Variants in EGLN1 observed in about 807,000 individuals in gnomAD.
EGLN1 encodes egl-9 family hypoxia inducible factor 1, also known as egl nine homolog 1.
Under a neutral mutation model 38.3 loss-of-function variants are expected in EGLN1, and 17 were observed. The observed-to-expected ratio is 0.44, with a 90% CI of 0.30 to 0.67. The LOEUF is 0.67. Among genes scored for constraint, EGLN1 ranks in the 30% least tolerant of loss-of-function variants. The pLI, the probability that EGLN1 is intolerant of heterozygous loss-of-function variation, is 0.08. For missense variants in EGLN1, 477 were observed against 603.3 expected (o/e 0.79, Z 2.19); for synonymous variants, 283 against 257.5 (o/e 1.10, Z -0.95).
At chr1:231,406,634 T>C (rs1688803426) in intron 1 of EGLN1, among the ~76,000 whole-genome samples, 1 of 152,084 alleles carries the variant, frequency 6.6e-6, no homozygotes, top group Non-Finnish European at 1.5e-5. Context: ...TATTCTACCA[T>C]AACGTGATAT....
At chr1:231,393,244 T>A (rs1374966301) in intron 1 of EGLN1, among the ~76,000 whole-genome samples, 2 of 152,192 alleles carry the variant, frequency 1.3e-5, no homozygotes, top group East Asian at 3.9e-4. Flanking sequence ...GACCCATAGG[T>A]AAGGACCAAT....
rs1461920208 is a variant in EGLN1, at chr1:231,421,191, C to G, written c.698G>C (p.Gly233Ala). Residue 233 changes from glycine to alanine, a missense_variant, in exon 1 of 5, where the codon GGG (glycine) becomes GCG (alanine). By Grantham distance (60) the Gly-to-Ala change is moderately conservative (BLOSUM62 0). Transcript: ENST00000366641. The surrounding 1 kb of genome is among the most constrained non-coding windows in gnomAD (Gnocchi z 5.5). ...GACCAGCTGCCCGTCCGTGAACTTC[C>G]CGGTGTCGTGCAGGGCGCGCACCTC... ...GDEVRALHDT[G>A]KFTDGQLVSQ... The G allele has an allele frequency of 1.2e-6, 2 of 1,614,052 alleles. No homozygotes were observed. The highest frequency in any genetic ancestry group is 1.7e-6 in the Non-Finnish European group (2 of 1,180,046).
chr1:231,397,264 C>G (rs929452228), intron 1 of EGLN1, among the ~76,000 whole-genome samples: 4 of 152,184 alleles, frequency 2.6e-5, no homozygotes, highest in Non-Finnish European at 4.4e-5. Context: ...ATTTTATATT[C>G]TATTCCTTGG....
At chr1:231,400,147 T>TA (rs1018745325) in intron 1 of EGLN1, among the ~76,000 whole-genome samples, 6 of 152,300 alleles carry the variant, frequency 3.9e-5, no homozygotes, top group Middle Eastern at 6.8e-3. Context: ...TAAGACTTAA[T>TA]AAATGTCCTT....
intron 1 of EGLN1, among the ~76,000 whole-genome samples, chr1:231,375,764 C>A (rs532041016): frequency 6.6e-6 from 1 of 152,088 alleles, no homozygotes; most frequent in Non-Finnish European, 1.5e-5. Context: ...CACTAGCTAC[C>A]CAGGAAAGAA....
intron 1 of EGLN1, among the ~76,000 whole-genome samples, chr1:231,408,099 C>T (rs1264840483): frequency 6.6e-6 from 1 of 152,080 alleles, no homozygotes; most frequent in African/African-American, 2.4e-5. Context: ...CTTCCCCTGC[C>T]CTTACAGATT....
At chr1:231,384,890 C>T (rs896535335) in intron 1 of EGLN1, among the ~76,000 whole-genome samples, 1 of 152,220 alleles carries the variant, frequency 6.6e-6, no homozygotes, top group Admixed American at 6.5e-5. Context: ...GTGCAGGCCA[C>T]AAAACCTAAA....
At position 231,421,151 on chromosome 1, in the gene EGLN1, G is replaced by T. The variant is rs376001204; in HGVS notation, c.738C>A (p.Asp246Glu). 6.2e-7 allele frequency: 1 copy of T among 1,614,076 alleles called. No homozygotes were observed. The highest frequency in any genetic ancestry group is 1.3e-5 in the African/African-American group (1 of 74,936). Residue 246 changes from aspartate (D) to glutamate (E), a missense_variant, in exon 1 of 5, where the codon GAC (aspartate) becomes GAA (glutamate). Physicochemically the swap from Asp to Glu is conservative, Grantham distance 45. Transcript: ENST00000366641. This position sits in a 1 kb window ranked among gnomAD's most constrained non-coding sequence, Gnocchi z 5.5. ...TDGQLVSQKS[D>E]SSKDIRGDKI... is the part of the protein sequence containing the mutation. Reference sequence around the variant, plus strand: ...TATCGCCTCGGATGTCCTTGGACGAGTCACTCTTCTGGCTGACCAGCTGCC... The same window carrying T: ...TATCGCCTCGGATGTCCTTGGACGATTCACTCTTCTGGCTGACCAGCTGCC...
chr1:231,381,060 C>A (rs532196834), intron 1 of EGLN1, among the ~76,000 whole-genome samples: 1 of 152,226 alleles, frequency 6.6e-6, no homozygotes, highest in African/African-American at 2.4e-5. Flanking sequence ...GTACACGCTA[C>A]CACACCTGGC....
chr1:231,366,429 G>A lies in EGLN1; in HGVS notation c.1263C>T (p.Val421=), dbSNP rs756924512. The change falls in exon 5 of 5, where the codon GTC becomes GTT. Residue 421 remains valine, a synonymous_variant. Coordinates refer to ENST00000366641, the MANE Select transcript of EGLN1 (RefSeq NM_022051.3). ...RVELNKPSDS[V]GKDVF ...AAAGGCTCTAGAAGACGTCTTTACC[G>A]ACCGAATCTGAAGGTTTATTGAGTT... 8.7e-6 allele frequency: 14 copies of A among 1,613,568 alleles called. No individual in the cohort carries two copies. Among genetic ancestry groups the A allele is most frequent in the South Asian group, 4.4e-5 (4 of 91,070 alleles).
chr1:231,384,241 C>T (rs1386300710), intron 1 of EGLN1, among the ~76,000 whole-genome samples: 2 of 152,104 alleles, frequency 1.3e-5, no homozygotes, highest in Non-Finnish European at 2.9e-5. Context: ...TGAGCACCTA[C>T]TATACGTCAG....
Position 231,421,144 on chromosome 1 carries a change from T to C in EGLN1, c.745A>G (p.Lys249Glu). ...GTGATCTTATCGCCTCGGATGTCCTTGGACGAGTCACTCTTCTGGCTGACC... is the reference window on the plus strand; with the variant it reads ...GTGATCTTATCGCCTCGGATGTCCTCGGACGAGTCACTCTTCTGGCTGACC... ...QLVSQKSDSS[K>E]DIRGDKITWI... Residue 249 changes from lysine to glutamate, a missense_variant, in exon 1 of 5, where the codon AAG becomes GAG. Physicochemically the swap from Lys to Glu is moderately conservative, Grantham distance 56. Coordinates refer to ENST00000366641, the MANE Select transcript of EGLN1 (RefSeq NM_022051.3). The surrounding 1 kb of genome is among the most constrained non-coding windows in gnomAD (Gnocchi z 5.5). The C allele has an allele frequency of 6.2e-7, 1 of 1,614,188 alleles. No homozygotes were observed. Among genetic ancestry groups the C allele is most frequent in the Non-Finnish European group, 8.5e-7 (1 of 1,180,022 alleles).
At chr1:231,371,260 T>C (rs1687815199) in intron 2 of EGLN1, among the ~76,000 whole-genome samples, 1 of 152,188 alleles carries the variant, frequency 6.6e-6, no homozygotes, top group Non-Finnish European at 1.5e-5. Flanking sequence ...CTTAAAATGA[T>C]GCTTGAAAGC....
At chr1:231,390,113 TAAC>T (rs1449270697) in intron 1 of EGLN1, among the ~76,000 whole-genome samples, 3 of 152,192 alleles carry the variant, frequency 2.0e-5, no homozygotes, top group African/African-American at 7.2e-5. Context: ...TAAGTGAAAA[TAAC>T]AATAGTATAC....
intron 1 of EGLN1, among the ~76,000 whole-genome samples, chr1:231,376,351 T>C (rs1425236316): frequency 6.6e-6 from 1 of 152,144 alleles, no homozygotes; most frequent in Non-Finnish European, 1.5e-5. Flanking sequence ...CCATTAGTCA[T>C]TTAGTAGCCT....
intron 1 of EGLN1, among the ~76,000 whole-genome samples, chr1:231,376,097 A>G (rs893193109): frequency 6.6e-6 from 1 of 152,216 alleles, no homozygotes; most frequent in Non-Finnish European, 1.5e-5. Context: ...CGATGAACCA[A>G]AGAGAAAAGG....
intron 1 of EGLN1, among the ~76,000 whole-genome samples, chr1:231,406,681 T>C (rs1403924075): frequency 1.3e-5 from 2 of 152,064 alleles, no homozygotes; most frequent in Non-Finnish European, 2.9e-5. Flanking sequence ...GTATGGTTTT[T>C]TGGAACTCTA....
chr1:231,389,469 A>G lies in EGLN1; in HGVS notation c.892-15370T>C, dbSNP rs1013168770. ...GTGACAGCAATATCCAGCGAGTAAC[A>G]GTGGCAATAAATGAGTAGGTTTAGC... On this transcript the variant is annotated intron_variant, in intron 1 of 4. Coordinates refer to ENST00000366641, the MANE Select transcript of EGLN1 (RefSeq NM_022051.3). 4.6e-5 allele frequency among the ~76,000 whole-genome samples: 7 copies of G among 152,346 alleles called. No individual in the cohort carries two copies. In the South Asian group the frequency reaches 1.2e-3, roughly 27 times the overall value.
chr1:231,380,772 G>C lies in EGLN1; in HGVS notation c.892-6673C>G, dbSNP rs1480195489. Among the ~76,000 whole-genome samples, 3 of 152,088 alleles carry C rather than the reference G, an allele frequency of 2.0e-5. No homozygotes were observed. In the East Asian group the frequency reaches 5.8e-4, roughly 29 times the overall value. On this transcript the variant is annotated intron_variant, in intron 1 of 4. Coordinates refer to ENST00000366641, the MANE Select transcript of EGLN1 (RefSeq NM_022051.3). Reference sequence around the variant, plus strand: ...TTAATCTTTGAAAACAGCTCAATTTGATAGGTAACATTTATCTTACTAATG... The same window carrying C: ...TTAATCTTTGAAAACAGCTCAATTTCATAGGTAACATTTATCTTACTAATG...
Sources: gnomAD v4.1 joint callset for allele counts (sites outside exome capture counted in the v4.1 genomes callset) on GRCh38, gnomAD v4.1.1 for gene constraint, Gnocchi (gnomAD v3.1) non-coding constraint, MANE v1.5 for transcripts, NCBI Gene and HGNC (gene_info 2026-07-23, HGNC 2026-07-21) for gene names.